Variants in UACA observed in about 807,000 individuals in gnomAD.
The protein encoded by UACA is nuclear membrane binding protein.
Under a neutral mutation model 160.5 loss-of-function variants are expected in UACA, and 112 were observed. The observed-to-expected ratio is 0.70, with a 90% CI of 0.60 to 0.82. UACA has a LOEUF of 0.82. UACA is among the 40% of genes least tolerant of loss of function. The probability of loss-of-function intolerance (pLI) is 0.00; values close to 1 mark genes in which losing one functional copy is unlikely to be tolerated. For missense variants in UACA, 1,574 were observed against 1,614.6 expected (o/e 0.97, Z 0.43); for synonymous variants, 557 against 568.4 (o/e 0.98, Z 0.29).
At chr15:70,764,278 C>CA (rs889945579), upstream of UACA, among the ~76,000 whole-genome samples, 31 of 152,048 alleles carry the variant, frequency 2.0e-4, no homozygotes, top group African/African-American at 7.2e-4. Flanking sequence ...TTTAAGTTGT[C>CA]AAAAAAAGTT....
At chr15:70,690,655 T>C (rs903669630) in intron 4 of UACA, 144 bp from the exon 5 acceptor site, 7 of 622,026 alleles carry the variant, frequency 1.1e-5, no homozygotes, top group South Asian at 4.5e-5. Context: ...CCATGAAATA[T>C]GCTGACATGG....
chr15:70,744,150 CAGG>C (rs1271488227), intron 1 of UACA, among the ~76,000 whole-genome samples: 1 of 147,404 alleles, frequency 6.8e-6, no homozygotes, highest in African/African-American at 2.5e-5. Context: ...GAGGCTGAGG[CAGG>C]AGAATGAATG....
At chr15:70,726,257 A>G (rs561437768) in intron 1 of UACA, among the ~76,000 whole-genome samples, 226 of 152,284 alleles carry the variant, frequency 1.5e-3, no homozygotes, top group Non-Finnish European at 2.5e-3. Flanking sequence ...TTCTGCTTAA[A>G]TAAGCATAAG....
chr15:70,704,886 GC>G (rs1314286124), intron 1 of UACA, among the ~76,000 whole-genome samples: 1 of 152,200 alleles, frequency 6.6e-6, no homozygotes, highest in Non-Finnish European at 1.5e-5. Context: ...CCCCAGGGAT[GC>G]CTTGTGGTCA....
the UACA span, among the ~76,000 whole-genome samples, chr15:70,771,923 G>T: frequency 2.0e-5 from 3 of 152,200 alleles, no homozygotes; most frequent in Non-Finnish European, 4.4e-5. Flanking sequence ...TGGGCAAGAG[G>T]AGGTTGGAGA....
chr15:70,722,843 AT>A (rs972993801), intron 1 of UACA, among the ~76,000 whole-genome samples: 7 of 152,132 alleles, frequency 4.6e-5, no homozygotes, highest in African/African-American at 1.7e-4. Context: ...AAGAGAAGCT[AT>A]TTTTTTCTTC....
At chr15:70,693,038 C>T (rs1256089890) in intron 3 of UACA, among the ~76,000 whole-genome samples, 1 of 152,152 alleles carries the variant, frequency 6.6e-6, no homozygotes, top group Non-Finnish European at 1.5e-5. Context: ...TTTCAAATTT[C>T]AATTTGCTCC....
chr15:70,737,153 A>G (rs1401370495), intron 1 of UACA, among the ~76,000 whole-genome samples: 1 of 152,218 alleles, frequency 6.6e-6, no homozygotes, highest in African/African-American at 2.4e-5. Flanking sequence ...TAATTTGAAT[A>G]GGTGGCCATC....
At chr15:70,680,039 A>C (rs1400069904) in intron 9 of UACA, 2 of 152,650 alleles carry the variant, frequency 1.3e-5, no homozygotes, top group Non-Finnish European at 2.9e-5. Flanking sequence ...CAACTTAAAA[A>C]AAAAAAAAAA....
chr15:70,703,022 G>A (rs1204573602), intron 1 of UACA: 43 of 1,074,202 alleles, frequency 4.0e-5, no homozygotes, highest in Non-Finnish European at 4.7e-5. Flanking sequence ...CACTAAAGGA[G>A]GCAAATACAC....
chr15:70,715,945 T>C (rs780510863), intron 1 of UACA, among the ~76,000 whole-genome samples: 4 of 152,158 alleles, frequency 2.6e-5, no homozygotes, highest in African/African-American at 7.2e-5. Flanking sequence ...AAATGGGATA[T>C]AAAGGAACTA....
Position 70,687,825 on chromosome 15 carries a change from A to G in UACA, c.425-5T>C. ...TAGAAGGACAATCTGCCATTGCTTT[A>G]AGGAACAAAAGAAAATGATAAATGG... On this transcript the variant is annotated splice_polypyrimidine_tract_variant and splice_region_variant and intron_variant, in intron 5 of 18. Transcript: ENST00000322954. The G allele has an allele frequency of 6.2e-7, 1 of 1,613,426 alleles. No homozygotes were observed. The highest frequency in any genetic ancestry group is 1.3e-5 in the African/African-American group (1 of 75,010).
At chr15:70,698,493 T>C (rs910284531) in intron 2 of UACA, among the ~76,000 whole-genome samples, 2 of 152,228 alleles carry the variant, frequency 1.3e-5, no homozygotes, top group Admixed American at 6.5e-5. Context: ...AAACTGCTAC[T>C]TGATAAAAGT....
chr15:70,684,106 G>GT (rs1226430134), intron 8 of UACA, among the ~76,000 whole-genome samples, 159 bp downstream of exon 8: 5 of 152,058 alleles, frequency 3.3e-5, no homozygotes, highest in Admixed American at 6.6e-5. Flanking sequence ...TGACCATAAT[G>GT]TAAGTAAGCA....
At chr15:70,661,142 C>T (rs1358767117) in intron 17 of UACA, 1 of 152,164 alleles carries the variant, frequency 6.6e-6, no homozygotes, top group African/African-American at 2.4e-5. Flanking sequence ...GGAAGAGCCT[C>T]TACTTTCCTT....
intron 8 of UACA, among the ~76,000 whole-genome samples, chr15:70,684,035 T>C (rs1202733585): frequency 6.6e-6 from 1 of 151,582 alleles, no homozygotes. Context: ...GTTATTCCAG[T>C]GTCTTAGTGT....
At chr15:70,682,136 CATA>C (rs1384949125) in intron 9 of UACA, 3 of 152,130 alleles carry the variant, frequency 2.0e-5, no homozygotes, top group African/African-American at 7.2e-5. Flanking sequence ...TAGCAGAAAA[CATA>C]AGACATTTCA....
intron 1 of UACA, among the ~76,000 whole-genome samples, chr15:70,755,032 T>TG (rs2141015086): frequency 6.6e-6 from 1 of 152,354 alleles, no homozygotes; most frequent in South Asian, 2.1e-4. Flanking sequence ...TTCAATAATA[T>TG]GCTGTATCCT....
At chr15:70,737,461 C>T (rs1401400153) in intron 1 of UACA, among the ~76,000 whole-genome samples, 2 of 152,122 alleles carry the variant, frequency 1.3e-5, no homozygotes, top group Non-Finnish European at 2.9e-5. Flanking sequence ...AATTCCAGCA[C>T]TTTGGGAGAC....
Sources: allele counts gnomAD v4.1 joint callset (sites outside exome capture counted in the v4.1 genomes callset), GRCh38; gene constraint gnomAD v4.1.1; transcripts MANE v1.5; gene names NCBI Gene and HGNC (gene_info 2026-07-23, HGNC 2026-07-21).